NCKAP5: variants seen among roughly 807,000 people sequenced by gnomAD.
NCKAP5 encodes the protein NCK associated protein 5.
Under a neutral mutation model 167.0 loss-of-function variants are expected in NCKAP5, and 92 were observed. That is an observed-to-expected ratio of 0.55 (90% CI 0.47 to 0.66). NCKAP5 has a LOEUF of 0.66. NCKAP5 is among the 30% of genes least tolerant of loss of function. NCKAP5 has a pLI of 0.00. For missense variants in NCKAP5, 2,378 were observed against 2,315.0 expected (o/e 1.03, Z -0.56); for synonymous variants, 891 against 877.4 (o/e 1.02, Z -0.27).
At chr2:133,320,724 C>G (rs1027383116) in intron 3 of NCKAP5, among the ~76,000 whole-genome samples, 1 of 151,798 alleles carries the variant, frequency 6.6e-6, no homozygotes, top group Non-Finnish European at 1.5e-5. Context: ...AAATAAACAA[C>G]AAAACAAACA....
At chr2:133,612,841 T>C in the NCKAP5 span, among the ~76,000 whole-genome samples, 133,372 of 152,080 alleles carry the variant, frequency 0.88, 59,706 homozygotes, top group Non-Finnish European at 0.99. Context: ...TGTGAAGCCT[T>C]TATAACATTG....
At chr2:133,504,400 A>C (rs1682816326) in intron 3 of NCKAP5, among the ~76,000 whole-genome samples, 1 of 151,202 alleles carries the variant, frequency 6.6e-6, no homozygotes, top group Non-Finnish European at 1.5e-5. Context: ...TTAGCACTTA[A>C]AAATTAACTT....
intron 11 of NCKAP5, among the ~76,000 whole-genome samples, chr2:132,812,138 G>A (rs1398345610): frequency 1.3e-5 from 2 of 152,164 alleles, no homozygotes; most frequent in Non-Finnish European, 2.9e-5. Flanking sequence ...CCTGGGTCCT[G>A]CAGGAGCGGT....
chr2:133,281,821 C>T (rs1270803359), intron 4 of NCKAP5, among the ~76,000 whole-genome samples: 1 of 152,140 alleles, frequency 6.6e-6, no homozygotes, highest in African/African-American at 2.4e-5. Context: ...TCATGGTAAT[C>T]ATTTTATGAC....
chr2:132,848,422 C>T (rs989331042), intron 11 of NCKAP5, among the ~76,000 whole-genome samples: 5 of 152,050 alleles, frequency 3.3e-5, no homozygotes, highest in East Asian at 1.9e-4. Flanking sequence ...GAGATCTTTA[C>T]GTTAATTCAA....
At chr2:132,908,751 C>G (rs1003163264) in intron 8 of NCKAP5, among the ~76,000 whole-genome samples, 7 of 152,304 alleles carry the variant, frequency 4.6e-5, no homozygotes, top group Middle Eastern at 3.4e-3. Flanking sequence ...ATGCTACCTT[C>G]CCAGTTTGGA....
At chr2:133,359,845 C>A (rs1188476250) in intron 3 of NCKAP5, among the ~76,000 whole-genome samples, 1 of 152,038 alleles carries the variant, frequency 6.6e-6, no homozygotes, top group Non-Finnish European at 1.5e-5. Context: ...AACTATTGTG[C>A]AAAATTAAGA....
the NCKAP5 span, among the ~76,000 whole-genome samples, chr2:133,660,710 C>T: frequency 2.0e-5 from 3 of 151,894 alleles, no homozygotes; most frequent in African/African-American, 7.3e-5. Flanking sequence ...TGAGTCAGCT[C>T]GATGCACATG....
intron 3 of NCKAP5, among the ~76,000 whole-genome samples, chr2:133,306,889 G>C (rs1047046290): frequency 1.3e-5 from 2 of 152,168 alleles, no homozygotes; most frequent in Non-Finnish European, 2.9e-5. Context: ...TATTTCTACA[G>C]TATAAGTCAA....
chr2:133,481,232 G>A (rs139797733), intron 3 of NCKAP5, among the ~76,000 whole-genome samples: 87 of 152,200 alleles, frequency 5.7e-4, no homozygotes, highest in African/African-American at 1.9e-3. Flanking sequence ...AGTGATTCAC[G>A]GTGTTTCTGC....
intron 5 of NCKAP5, among the ~76,000 whole-genome samples, chr2:133,190,406 C>T (rs1198552122): frequency 6.6e-6 from 1 of 152,118 alleles, no homozygotes; most frequent in African/African-American, 2.4e-5. Context: ...ACTTTCTTCA[C>T]AGAATTGGAA....
At chr2:132,704,431 T>C (rs577108857) in intron 19 of NCKAP5, among the ~76,000 whole-genome samples, 9 of 152,270 alleles carry the variant, frequency 5.9e-5, no homozygotes, top group African/African-American at 2.2e-4. Flanking sequence ...CCACAAATCT[T>C]GATGATTTCA....
intron 5 of NCKAP5, among the ~76,000 whole-genome samples, chr2:133,172,868 C>CGA (rs2084307606): frequency 6.6e-6 from 1 of 151,984 alleles, no homozygotes; most frequent in South Asian, 2.1e-4. Context: ...AGGGTAGTCT[C>CGA]GAGAGATGGG....
At chr2:133,176,974 T>C (rs1206978569) in intron 5 of NCKAP5, among the ~76,000 whole-genome samples, 4 of 152,114 alleles carry the variant, frequency 2.6e-5, no homozygotes, top group Non-Finnish European at 5.9e-5. Context: ...AAAAATGTGT[T>C]ATTACATAAG....
intron 5 of NCKAP5, among the ~76,000 whole-genome samples, chr2:133,138,539 A>T (rs2082882724): frequency 6.6e-6 from 1 of 152,204 alleles, no homozygotes; most frequent in Non-Finnish European, 1.5e-5. Context: ...TCATTTTCAC[A>T]TCATGATTCC....
chr2:132,962,433 A>G (rs1467633334), intron 8 of NCKAP5, among the ~76,000 whole-genome samples: 1 of 151,954 alleles, frequency 6.6e-6, no homozygotes. Context: ...TCAAACCCCA[A>G]GAATTGAGCT....
chr2:133,173,404 T>A (rs1252054321), intron 5 of NCKAP5, among the ~76,000 whole-genome samples: 1 of 152,216 alleles, frequency 6.6e-6, no homozygotes, highest in African/African-American at 2.4e-5. Flanking sequence ...CCCTGACTTG[T>A]GAACTTTCAT....
intron 7 of NCKAP5, among the ~76,000 whole-genome samples, chr2:132,979,956 G>C (rs536928552): frequency 2.0e-5 from 3 of 151,682 alleles, no homozygotes; most frequent in Admixed American, 6.6e-5. Flanking sequence ...GCCAAGCCTT[G>C]CAGTACAATG....
intron 4 of NCKAP5, among the ~76,000 whole-genome samples, chr2:133,272,641 G>A (rs1358254305): frequency 6.6e-6 from 1 of 152,076 alleles, no homozygotes; most frequent in Non-Finnish European, 1.5e-5. Flanking sequence ...TTTAGCATAT[G>A]CACCGTTATG....
Sources: allele counts gnomAD v4.1 joint callset (sites outside exome capture counted in the v4.1 genomes callset), GRCh38; gene constraint gnomAD v4.1.1; transcripts MANE v1.5; gene names NCBI Gene and HGNC (gene_info 2026-07-23, HGNC 2026-07-21).